The following CTSS variants were observed in gnomAD, a reference collection of about 807,000 sequenced individuals.
CTSS encodes the protein cathepsin S.
Under a neutral mutation model 39.9 loss-of-function variants are expected in CTSS, and 15 were observed. That is an observed-to-expected ratio of 0.38 (90% confidence interval 0.25 to 0.58). The LOEUF (loss-of-function observed/expected upper bound fraction) is 0.58. Ranked by LOEUF, CTSS falls within the 20% of genes least tolerant of loss-of-function variation. CTSS has a pLI of 0.70. For synonymous variants in CTSS, 126 were observed against 138.2 expected, an observed-to-expected ratio of 0.91 and a Z score of 0.62; for missense variants, 250 against 398.2, an observed-to-expected ratio of 0.63 and a Z score of 3.17.
At position 150,751,820 on chromosome 1, in the gene CTSS, C is replaced by CT. The variant is rs768994237; in HGVS notation, c.587dup (p.Ile198HisfsTer19). On this transcript the variant is annotated frameshift_variant, in exon 5 of 8. Transcript: ENST00000368985. LOFTEE classifies it high-confidence loss of function. ...GATAGGAAGCGTCTGAGTCGATGCC[C>CT]TTGTTATCAATGATGTACTGGAAAG... The CT allele has an allele frequency of 6.2e-7, 1 of 1,614,166 alleles. No individual in the cohort carries two copies. Among genetic ancestry groups the CT allele is most frequent in the Non-Finnish European group, 8.5e-7 (1 of 1,180,034 alleles).
At chr1:150,764,829 T>C in intron 1 of CTSS, 65 bp from the exon 2 acceptor site, 1 of 1,570,286 alleles carries the variant, frequency 6.4e-7, no homozygotes, top group Non-Finnish European at 8.7e-7. Flanking sequence ...CCACATGTTT[T>C]CATAAGAGAA....
At chr1:150,760,715 C>CA (rs1653236658) in intron 2 of CTSS, among the ~76,000 whole-genome samples, 1 of 151,818 alleles carries the variant, frequency 6.6e-6, no homozygotes, top group East Asian at 1.9e-4. Context: ...CCCTTCTCTA[C>CA]AAAAAACAAA....
intron 3 of CTSS, among the ~76,000 whole-genome samples, chr1:150,757,307 G>A (rs1376150677): frequency 6.6e-6 from 1 of 152,152 alleles, no homozygotes; most frequent in Admixed American, 6.5e-5. Flanking sequence ...CTAAAAAGTG[G>A]ACTAAACTGG....
intron 2 of CTSS, among the ~76,000 whole-genome samples, chr1:150,759,243 C>T (rs1006884249): frequency 1.1e-4 from 17 of 152,048 alleles, no homozygotes; most frequent in African/African-American, 3.6e-4. Flanking sequence ...TATTTACCTT[C>T]GGCTGTGTGC....
chr1:150,739,618 T>C lies in CTSS; in HGVS notation c.897-6473A>G, dbSNP rs372291026. Among the ~76,000 whole-genome samples, 6 of 152,058 alleles carry C rather than the reference T, an allele frequency of 3.9e-5. No individual in the cohort carries two copies. In the East Asian group the frequency reaches 7.7e-4, roughly 20 times the overall value. ...AGGCGGAGGTTGCAGTGAGCTGAGA[T>C]TGTGCCACTGCACTCCAGCCTGGGT... On this transcript the variant is annotated intron_variant, in intron 7 of 7. Transcript: ENST00000368985.
At chr1:150,752,277 A>G (rs1431361873) in intron 4 of CTSS, among the ~76,000 whole-genome samples, 1 of 152,226 alleles carries the variant, frequency 6.6e-6, no homozygotes, top group East Asian at 1.9e-4. Flanking sequence ...CTTAGAAACA[A>G]TACTCACTGA....
intron 6 of CTSS, 32 bp from the exon 7 acceptor site, chr1:150,747,911 T>A: frequency 7.2e-7 from 1 of 1,380,898 alleles, no homozygotes; most frequent in Non-Finnish European, 1.0e-6. Flanking sequence ...GAAAAAAGAG[T>A]GAATACTATA....
rs756024500 is a variant in CTSS, at chr1:150,755,158, G to A, written c.250-8C>T. The A allele has an allele frequency of 6.2e-7, 1 of 1,613,538 alleles. No homozygotes were observed. The highest frequency in any genetic ancestry group is 1.1e-5 in the South Asian group (1 of 91,044). On this transcript the variant is annotated splice_region_variant and splice_polypyrimidine_tract_variant and intron_variant, in intron 3 of 7. Coordinates refer to ENST00000368985, the MANE Select transcript of CTSS (RefSeq NM_004079.5). ...CATCACTTCTTCACTGGTCTACAAA[G>A]CAAATATACAGTCAGGCATTGTTTA...
intron 2 of CTSS, among the ~76,000 whole-genome samples, chr1:150,762,098 G>A (rs1653279185): frequency 6.6e-6 from 1 of 152,110 alleles, no homozygotes; most frequent in Admixed American, 6.5e-5. Flanking sequence ...CAATGGAATA[G>A]GATATAGAGC....
At chr1:150,736,315 A>T (rs1652634983) in intron 7 of CTSS, among the ~76,000 whole-genome samples, 1 of 152,226 alleles carries the variant, frequency 6.6e-6, no homozygotes, top group Non-Finnish European at 1.5e-5. Context: ...GTGGTAAAGT[A>T]GCTTGCCAAA....
rs1250399801 is a variant in CTSS at position 150,732,458 on chromosome 1, CAA to C, written c.*586_*587del. ...AAGGCTATTAGGGGTCTTAAAAAGA[CAA>C]AGAGTATACAATAAAACAATAAGCA... On this transcript the variant is annotated 3_prime_UTR_variant, in exon 8 of 8. Transcript: ENST00000368985. 6.6e-6 allele frequency: 1 copy of C among 151,952 alleles called. No individual in the cohort carries two copies. Among genetic ancestry groups the C allele is most frequent in the African/African-American group, 2.4e-5 (1 of 41,362 alleles). The allele number at this position is 151,952 out of a possible 1,614,324, so 9.4% of individuals were successfully genotyped here.
rs149679370 is a variant in CTSS, at chr1:150,762,901, C to G, written c.126+1737G>C. Among the ~76,000 whole-genome samples the G allele has an allele frequency of 3.2e-3, 490 of 152,206 alleles. 2 individuals carry two copies. In the Middle Eastern group the frequency reaches 0.034, roughly 11 times the overall value. ...ACTAAAAATATAATTACCATATCAT[C>G]CAGCAATCTCACTTCTGGGTATATG... On this transcript the variant is annotated intron_variant, in intron 2 of 7. Coordinates refer to ENST00000368985, the MANE Select transcript of CTSS (RefSeq NM_004079.5).
chr1:150,752,215 T>A (rs1006265243), intron 4 of CTSS, among the ~76,000 whole-genome samples: 15 of 152,178 alleles, frequency 9.9e-5, no homozygotes, highest in Non-Finnish European at 2.1e-4. Flanking sequence ...CCAACCTTGA[T>A]AGAGATTTGC....
rs1195909838 is a variant in CTSS at position 150,731,004 on chromosome 1, CT to C, written c.*2041del. The C allele has an allele frequency of 6.6e-6, 1 of 152,160 alleles. No homozygotes were observed. The highest frequency in any genetic ancestry group is 1.5e-5 in the Non-Finnish European group (1 of 68,030). 9.4% of individuals were successfully genotyped at this position (152,160 alleles called of 1,614,324 possible). Reference sequence around the variant, plus strand: ...ATGATTTTAAGAAGGCATTCATAGGCTTTAACAGATAGCTAAAGACTAAGAA... The same window carrying C: ...ATGATTTTAAGAAGGCATTCATAGGCTTAACAGATAGCTAAAGACTAAGAA... On this transcript the variant is annotated 3_prime_UTR_variant, in exon 8 of 8. Transcript: ENST00000368985.
chr1:150,741,559 A>G (rs1474240188), intron 7 of CTSS, among the ~76,000 whole-genome samples: 1 of 152,184 alleles, frequency 6.6e-6, no homozygotes, highest in African/African-American at 2.4e-5. Flanking sequence ...TTTTCTTCAT[A>G]TAGATTCCAA....
chr1:150,730,360 A>C lies in CTSS; in HGVS notation c.*2686T>G, dbSNP rs973990914. 1 of 152,204 alleles carries C rather than the reference A, an allele frequency of 6.6e-6. No individual in the cohort carries two copies. Among genetic ancestry groups the C allele is most frequent in the Non-Finnish European group, 1.5e-5 (1 of 68,034 alleles). The allele number at this position is 152,204 out of a possible 1,614,324, so 9.4% of individuals were successfully genotyped here. On this transcript the variant is annotated 3_prime_UTR_variant, in exon 8 of 8. Transcript: ENST00000368985. ...ATAGGGCAAAGTGTGAACAAGCTAA[A>C]TGTAATAAACTGGGGGAAACTGAGA... is the stretch of plus-strand genomic sequence containing the variant.
At chr1:150,752,048 A>G (rs1445617386) in intron 4 of CTSS, 40 bp from the exon 5 acceptor site, 2 of 1,603,334 alleles carry the variant, frequency 1.2e-6, no homozygotes, top group Non-Finnish European at 1.7e-6. Context: ...ATCACAGAAA[A>G]TCATTCGGAA....
chr1:150,741,242 C>T (rs1652750708), intron 7 of CTSS, among the ~76,000 whole-genome samples: 1 of 152,156 alleles, frequency 6.6e-6, no homozygotes, highest in Non-Finnish European at 1.5e-5. Flanking sequence ...AAGTGATCCT[C>T]CTGCCTTGGC....
chr1:150,761,193 A>T (rs964318607), intron 2 of CTSS, among the ~76,000 whole-genome samples: 1 of 151,704 alleles, frequency 6.6e-6, no homozygotes, highest in Non-Finnish European at 1.5e-5. Flanking sequence ...AAAAAAAAAA[A>T]AAAAGAGAGA....
Sources: gnomAD v4.1 joint callset for allele counts (sites outside exome capture counted in the v4.1 genomes callset) on GRCh38, gnomAD v4.1.1 for gene constraint, MANE v1.5 for transcripts, NCBI Gene and HGNC (gene_info 2026-07-23, HGNC 2026-07-21) for gene names.